CTIF: variants seen among roughly 807,000 people sequenced by gnomAD.
CTIF encodes the protein cap binding complex dependent translation initiation factor.
Under a neutral mutation model 66.0 loss-of-function variants are expected in CTIF, and 21 were observed. The observed-to-expected ratio is 0.32, with a 90% CI of 0.23 to 0.46. The LOEUF (loss-of-function observed/expected upper bound fraction) is 0.46. Ranked by LOEUF, CTIF falls within the 20% of genes least tolerant of loss-of-function variation. The pLI is 1.00. For missense variants in CTIF, 739 were observed against 812.7 expected (o/e 0.91, Z 1.10); for synonymous variants, 345 against 326.4 (o/e 1.06, Z -0.62).
At chr18:48,725,284 T>C (rs2092376608) in intron 7 of CTIF, among the ~76,000 whole-genome samples, 1 of 152,026 alleles carries the variant, frequency 6.6e-6, no homozygotes, top group Non-Finnish European at 1.5e-5. Flanking sequence ...TGCCCTGATA[T>C]TCAGGAGGGC....
intron 1 of CTIF, chr18:48,565,357 A>AGCCTTAAATAACAGCACCT (rs2089256605): frequency 6.6e-6 from 1 of 152,110 alleles, no homozygotes; most frequent in South Asian, 2.1e-4. Flanking sequence ...GGTGTGCTGT[A>AGCCTTAAATAACAGCACCT]GCCTTAAATA....
intron 7 of CTIF, among the ~76,000 whole-genome samples, chr18:48,716,158 T>C (rs1247587763): frequency 1.3e-5 from 2 of 152,180 alleles, no homozygotes; most frequent in African/African-American, 4.8e-5. Flanking sequence ...CCTACTGGGA[T>C]TGGTTGGGCT....
At chr18:48,845,521 C>T (rs2069051330) in intron 10 of CTIF, among the ~76,000 whole-genome samples, 1 of 152,144 alleles carries the variant, frequency 6.6e-6, no homozygotes. Context: ...ATTCCTCTTC[C>T]TCCTCTCTCA....
intron 9 of CTIF, among the ~76,000 whole-genome samples, chr18:48,777,525 C>T (rs1339887257): frequency 6.6e-6 from 1 of 152,184 alleles, no homozygotes; most frequent in East Asian, 1.9e-4. Flanking sequence ...ATACCCAAGA[C>T]AACCAGGGCT....
intron 1 of CTIF, among the ~76,000 whole-genome samples, chr18:48,546,112 G>A (rs943531906): frequency 2.0e-5 from 3 of 152,190 alleles, no homozygotes; most frequent in Admixed American, 2.0e-4. Flanking sequence ...TTTTGTTGGG[G>A]AGAGAAGATA....
At chr18:48,595,568 C>T (rs1009373654) in intron 1 of CTIF, among the ~76,000 whole-genome samples, 5 of 151,980 alleles carry the variant, frequency 3.3e-5, no homozygotes, top group East Asian at 1.9e-4. Context: ...CTGGGACCAG[C>T]GGTGCACACC....
chr18:48,802,178 G>C (rs1390298054), intron 9 of CTIF, among the ~76,000 whole-genome samples: 1 of 152,240 alleles, frequency 6.6e-6, no homozygotes, highest in Admixed American at 6.5e-5. Flanking sequence ...CAGTCTTGCT[G>C]TCCTTTTATT....
intron 6 of CTIF, among the ~76,000 whole-genome samples, chr18:48,679,109 CCT>C (rs531297681): frequency 8.5e-5 from 13 of 152,268 alleles, no homozygotes; most frequent in African/African-American, 2.9e-4. Context: ...AAAAAGGAAA[CCT>C]CTGAGAGTTA....
intron 6 of CTIF, among the ~76,000 whole-genome samples, chr18:48,709,525 A>G: frequency 6.6e-6 from 1 of 152,246 alleles, no homozygotes; most frequent in East Asian, 1.9e-4. Flanking sequence ...GGCTATGGCC[A>G]GTTCCCTCTG....
intron 7 of CTIF, among the ~76,000 whole-genome samples, chr18:48,734,304 G>A (rs113732173): frequency 0.12 from 17,656 of 152,252 alleles, 1,196 homozygotes; most frequent in Non-Finnish European, 0.15. Flanking sequence ...AGTGGCTCAC[G>A]CCTGTAATCC....
chr18:48,551,046 G>A lies in CTIF; in HGVS notation c.-29+11734G>A, dbSNP rs573879846. Reference sequence around the variant, plus strand: ...TTCATATGCTGAAGTCCTAACTCCAGCGCCTCAGAACTGGATTGGTGGCCA... The same window carrying A: ...TTCATATGCTGAAGTCCTAACTCCAACGCCTCAGAACTGGATTGGTGGCCA... On this transcript the variant is annotated intron_variant, in intron 1 of 11. Transcript: ENST00000256413. Among the ~76,000 whole-genome samples the A allele has an allele frequency of 2.6e-5, 4 of 151,390 alleles. No homozygotes were observed. In the East Asian group the frequency reaches 7.8e-4, roughly 29 times the overall value.
At chr18:48,607,988 T>C (rs2090234813) in intron 1 of CTIF, among the ~76,000 whole-genome samples, 1 of 152,208 alleles carries the variant, frequency 6.6e-6, no homozygotes, top group Non-Finnish European at 1.5e-5. Context: ...TCCTTCGTCC[T>C]GATTTATTTC....
chr18:48,719,015 G>A (rs2092308361), intron 7 of CTIF, among the ~76,000 whole-genome samples: 1 of 152,178 alleles, frequency 6.6e-6, no homozygotes, highest in South Asian at 2.1e-4. Flanking sequence ...AACTTGGAGT[G>A]GGAGAGGTCT....
At chr18:48,597,011 T>G (rs2089998779) in intron 1 of CTIF, among the ~76,000 whole-genome samples, 1 of 152,216 alleles carries the variant, frequency 6.6e-6, no homozygotes, top group African/African-American at 2.4e-5. Context: ...CCACCTCCAC[T>G]GCATCATGTG....
In CTIF at chr18:48,711,665, A is replaced by G; in HGVS notation, c.554A>G (p.Lys185Arg). The G allele has an allele frequency of 1.2e-6, 2 of 1,614,134 alleles. No individual in the cohort carries two copies. The highest frequency in any genetic ancestry group is 1.7e-6 in the Non-Finnish European group (2 of 1,180,006). ...PHEVEIAHTKKLFRRRRNDRR... is the reference protein window; with the variant it reads ...PHEVEIAHTKRLFRRRRNDRR... ...GAAGTGGAGATCGCACACACCAAGA[A>G]GCTGTTCCGCAGGAGGAGAAATGAT... The change falls in exon 7 of 12, where the codon AAG (lysine) becomes AGG (arginine). Residue 185 changes from lysine to arginine, a missense_variant. This residue lies in a region of CTIF where 529 missense variants were observed against 520.3 expected (regional missense o/e 1.02). Transcript: ENST00000256413.
At chr18:48,711,762 G>A in intron 7 of CTIF, 67 bp downstream of exon 7, 1 of 1,353,730 alleles carries the variant, frequency 7.4e-7, no homozygotes, top group South Asian at 1.2e-5. Context: ...AGCGACGTCA[G>A]CTTTGGCCTG....
At chr18:48,768,574 T>G (rs1290959702) in intron 9 of CTIF, among the ~76,000 whole-genome samples, 2 of 152,184 alleles carry the variant, frequency 1.3e-5, no homozygotes, top group African/African-American at 4.8e-5. Flanking sequence ...CCATGCCACA[T>G]CCTAAATAGG....
At position 48,821,809 on chromosome 18, in the gene CTIF, A is replaced by C. The variant is rs146228184; in HGVS notation, c.1527+4433A>C. 8.9e-4 allele frequency among the ~76,000 whole-genome samples: 136 copies of C among 152,154 alleles called. 1 individual carries two copies. Among genetic ancestry groups the C allele is most frequent in the Middle Eastern group, 3.4e-3 (1 of 294 alleles). On this transcript the variant is annotated intron_variant, in intron 10 of 11. Transcript: ENST00000256413. ...CCTTTTTATTTTTTAAATATTTTTG[A>C]ATTTCTATTTTTAGTTTTACTGTGG...
rs114853267 is a variant in CTIF, at chr18:48,590,958, C to T, written c.-28-28580C>T. Among the ~76,000 whole-genome samples the T allele has an allele frequency of 3.2e-3, 491 of 152,194 alleles. 1 individual carries two copies. The highest frequency in any genetic ancestry group is 0.011 in the African/African-American group (439 of 41,488). On this transcript the variant is annotated intron_variant, in intron 1 of 11. Coordinates refer to ENST00000256413, the MANE Select transcript of CTIF (RefSeq NM_014772.3). ...CCAGACACAGCCAGACACAGCATTA[C>T]GGGACATGTTGCAAGGTGCATATGG...
Sources: gnomAD v4.1 joint callset for allele counts (sites outside exome capture counted in the v4.1 genomes callset) on GRCh38, gnomAD v4.1.1 for gene constraint, gnomAD v4.1.1 regional missense constraint, MANE v1.5 for transcripts, NCBI Gene and HGNC (gene_info 2026-07-23, HGNC 2026-07-21) for gene names.